IQSEC1: variants seen among roughly 807,000 people sequenced by gnomAD.
IQSEC1 encodes the protein IQ motif and SEC7 domain-containing protein 1.
Under a neutral mutation model 91.0 loss-of-function variants are expected in IQSEC1, and 31 were observed. The ratio of observed to expected loss-of-function variants is 0.34; its 90% CI spans 0.26 to 0.46. IQSEC1 has a LOEUF of 0.46. Ranked by LOEUF, IQSEC1 falls within the 20% of genes least tolerant of loss-of-function variation. The pLI is 1.00. For missense variants in IQSEC1, 1,388 were observed against 1,575.6 expected (o/e 0.88, Z 2.02); for synonymous variants, 699 against 662.6 (o/e 1.05, Z -0.84).
intron 1 of IQSEC1, among the ~76,000 whole-genome samples, chr3:13,176,299 A>T (rs1044178264): frequency 1.3e-5 from 2 of 152,214 alleles, no homozygotes; most frequent in Non-Finnish European, 2.9e-5. Context: ...ACTGGAGGAT[A>T]ACAAGTGTTC....
intron 1 of IQSEC1, among the ~76,000 whole-genome samples, chr3:13,218,034 C>A (rs561932706): frequency 1.6e-4 from 25 of 152,342 alleles, no homozygotes; most frequent in Admixed American, 9.8e-4. Context: ...GCTAGCCCCC[C>A]ACCTAAAGTC....
intron 2 of IQSEC1, among the ~76,000 whole-genome samples, chr3:13,132,002 G>C (rs1706628701): frequency 6.6e-6 from 1 of 152,014 alleles, no homozygotes; most frequent in Admixed American, 6.5e-5. Flanking sequence ...AGTCAGTTTT[G>C]ATTAATCAAT....
chr3:13,069,599 G>A (rs998396887), intron 1 of IQSEC1, among the ~76,000 whole-genome samples: 2 of 152,238 alleles, frequency 1.3e-5, no homozygotes, highest in African/African-American at 4.8e-5. Flanking sequence ...GGTCGGGACA[G>A]TTCCAGGCAG....
chr3:13,127,686 G>A (rs770924644), intron 2 of IQSEC1, among the ~76,000 whole-genome samples: 1 of 152,034 alleles, frequency 6.6e-6, no homozygotes, highest in Non-Finnish European at 1.5e-5. Context: ...AAAACTCCTT[G>A]CTTGGATTCT....
chr3:13,006,805 A>AAC (rs1456827014), intron 1 of IQSEC1, among the ~76,000 whole-genome samples: 1 of 152,108 alleles, frequency 6.6e-6, no homozygotes, highest in African/African-American at 2.4e-5. Context: ...GCCGCTGGGG[A>AAC]ACTCTACCTT....
chr3:13,015,183 G>A (rs566088221), intron 1 of IQSEC1, among the ~76,000 whole-genome samples: 2 of 152,152 alleles, frequency 1.3e-5, no homozygotes, highest in Non-Finnish European at 1.5e-5. Flanking sequence ...CAGTTTACTC[G>A]GCTGTAAACT....
At chr3:13,170,580 A>G (rs6777801) in intron 1 of IQSEC1, among the ~76,000 whole-genome samples, 20,623 of 152,214 alleles carry the variant, frequency 0.14, 2,715 homozygotes, top group African/African-American at 0.34. Context: ...ACCCTGCAAA[A>G]CCACAGGGAC....
chr3:12,902,836 G>T lies in IQSEC1; in HGVS notation c.2756-14C>A, dbSNP rs1237086380. On this transcript the variant is annotated splice_polypyrimidine_tract_variant and intron_variant, in intron 12 of 13. Coordinates refer to ENST00000613206, the MANE Select transcript of IQSEC1 (RefSeq NM_001134382.3). The stretch of plus-strand genomic sequence containing the variant: ...GCCCTCGCTTCCCTGCCCAGAACAT[G>T]CAATACCAGAAGTTAGACGCGGACA... 1 of 1,607,916 alleles carries T rather than the reference G, an allele frequency of 6.2e-7. No individual in the cohort carries two copies. The highest frequency in any genetic ancestry group is 1.3e-5 in the African/African-American group (1 of 74,886).
chr3:12,985,734 T>C (rs901886944), intron 1 of IQSEC1, among the ~76,000 whole-genome samples: 1 of 152,214 alleles, frequency 6.6e-6, no homozygotes, highest in East Asian at 1.9e-4. Flanking sequence ...TAAACGTTTA[T>C]ATGTTTTTGA....
intron 1 of IQSEC1, among the ~76,000 whole-genome samples, chr3:12,986,423 A>G (rs1576117272): frequency 6.6e-6 from 1 of 152,358 alleles, no homozygotes; most frequent in East Asian, 1.9e-4. Context: ...ACTGAGATGC[A>G]GGTGGCCATC....
At chr3:13,119,282 T>C (rs568738978) in intron 2 of IQSEC1, among the ~76,000 whole-genome samples, 1 of 152,334 alleles carries the variant, frequency 6.6e-6, no homozygotes, top group South Asian at 2.1e-4. Flanking sequence ...TCTCCAACTC[T>C]GTCATTAAAA....
At chr3:13,194,319 G>T (rs151255262) in intron 1 of IQSEC1, among the ~76,000 whole-genome samples, 367 of 152,268 alleles carry the variant, frequency 2.4e-3, no homozygotes, top group African/African-American at 8.3e-3. Context: ...CGGCTGGGCT[G>T]CAGGTTTATT....
chr3:13,065,468 C>T (rs148928385), intron 1 of IQSEC1, among the ~76,000 whole-genome samples: 41 of 152,256 alleles, frequency 2.7e-4, no homozygotes, highest in African/African-American at 9.6e-4. Flanking sequence ...CGTAACCATC[C>T]CTTTTGTAAG....
At chr3:13,250,374 G>A (rs1190282614) in intron 1 of IQSEC1, among the ~76,000 whole-genome samples, 4 of 151,736 alleles carry the variant, frequency 2.6e-5, no homozygotes, top group Non-Finnish European at 5.9e-5. Context: ...GTGCCACGGT[G>A]ATGTCTAATG....
chr3:13,234,303 T>TC lies in IQSEC1; in HGVS notation c.272+48407dup, dbSNP rs1160515607. Among the ~76,000 whole-genome samples the TC allele has an allele frequency of 4.7e-4, 60 of 126,632 alleles. 1 individual carries two copies. The East Asian group carries it at 4.8e-3, about 10-fold the overall frequency. 83.1% of individuals were successfully genotyped at this position (126,632 alleles called of 152,430 possible). On this transcript the variant is annotated intron_variant, in intron 1 of 15. Transcript: ENST00000648114. ...CCGTGTCTGTGCCTGTGGGTGTGAG[T>TC]CCTGTGTCTGTGTGTGCCTGTGGGT... is the stretch of plus-strand genomic sequence containing the variant.
At chr3:13,107,683 G>A (rs887533930) in intron 2 of IQSEC1, among the ~76,000 whole-genome samples, 1 of 152,214 alleles carries the variant, frequency 6.6e-6, no homozygotes, top group African/African-American at 2.4e-5. Flanking sequence ...TCTTCCCAGT[G>A]GGCCCCATTT....
intron 1 of IQSEC1, among the ~76,000 whole-genome samples, chr3:13,032,410 C>T (rs1298353665): frequency 5.3e-5 from 8 of 152,164 alleles, no homozygotes; most frequent in South Asian, 2.1e-4. Context: ...GCTGTGCTGC[C>T]GTGACTTCCG....
intron 1 of IQSEC1, among the ~76,000 whole-genome samples, chr3:13,220,213 T>C (rs1388213884): frequency 6.6e-6 from 1 of 152,230 alleles, no homozygotes; most frequent in Admixed American, 6.5e-5. Context: ...TGGAGCAAAC[T>C]GGAGAGCCAG....
chr3:13,254,203 C>A (rs1695247513), intron 1 of IQSEC1, among the ~76,000 whole-genome samples: 1 of 152,262 alleles, frequency 6.6e-6, no homozygotes, highest in African/African-American at 2.4e-5. Flanking sequence ...CATCGGCGTG[C>A]AGCCTGGCCT....
Sources: gnomAD v4.1 joint callset for allele counts (sites outside exome capture counted in the v4.1 genomes callset) on GRCh38, gnomAD v4.1.1 for gene constraint, MANE v1.5 for transcripts, NCBI Gene and HGNC (gene_info 2026-07-23, HGNC 2026-07-21) for gene names.